Variants in SGCZ observed in about 807,000 individuals in gnomAD.
The protein encoded by SGCZ is zeta-sarcoglycan.
In SGCZ, 40 loss-of-function variants were observed where a neutral mutation model predicts 41.3. The ratio of observed to expected loss-of-function variants is 0.97; its 90% CI spans 0.75 to 1.26. SGCZ has a LOEUF of 1.26. Among genes scored for constraint, SGCZ ranks in the 50% most tolerant of loss-of-function variants. The pLI is 0.00. For synonymous variants in SGCZ, 206 were observed against 137.5 expected (o/e 1.50, Z -3.49); for missense variants, 552 against 369.8 (o/e 1.49, Z -4.04).
intron 1 of SGCZ, among the ~76,000 whole-genome samples, chr8:15,113,727 C>T (rs766538231): frequency 2.6e-5 from 4 of 152,158 alleles, no homozygotes; most frequent in Non-Finnish European, 1.5e-5. Context: ...AGGCTCCCAC[C>T]AGCTCGTTGA....
chr8:14,847,185 A>AGAAGAAGAAG (rs1303419499), intron 1 of SGCZ, among the ~76,000 whole-genome samples: 151 of 148,512 alleles, frequency 1.0e-3, no homozygotes, highest in African/African-American at 3.4e-3. Context: ...AAGAAGAAGA[A>AGAAGAAGAAG]GAGAAAAATA....
chr8:14,843,765 TTA>T (rs1219099943), intron 1 of SGCZ, among the ~76,000 whole-genome samples: 3 of 152,026 alleles, frequency 2.0e-5, no homozygotes, highest in African/African-American at 4.8e-5. Context: ...TCATAAATAT[TTA>T]TAGATAGCAC....
intron 1 of SGCZ, among the ~76,000 whole-genome samples, chr8:14,899,391 C>T (rs1465873482): frequency 2.0e-5 from 3 of 152,054 alleles, no homozygotes; most frequent in African/African-American, 7.2e-5. Flanking sequence ...ACTATTCTGA[C>T]CTTAAAGATT....
intron 5 of SGCZ, among the ~76,000 whole-genome samples, chr8:14,159,689 G>A (rs533471611): frequency 1.3e-5 from 2 of 152,224 alleles, no homozygotes; most frequent in African/African-American, 4.8e-5. Context: ...ATTTCTTCAT[G>A]GGTTGTTTGA....
chr8:14,584,721 C>T lies in SGCZ; in HGVS notation c.40-29795G>A, dbSNP rs115122576. On this transcript the variant is annotated intron_variant, in intron 1 of 7. Coordinates refer to ENST00000382080, the MANE Select transcript of SGCZ (RefSeq NM_139167.4). ...TAGTACCTAGAATATAGTAGAATTC[C>T]ATAATTACACATAAAGAAGGGAAAA... 3.4e-3 allele frequency among the ~76,000 whole-genome samples: 514 copies of T among 151,850 alleles called. 4 individuals are homozygous for T. Among genetic ancestry groups the T allele is most frequent in the African/African-American group, 9.7e-3 (404 of 41,438 alleles).
rs573047564 is a variant in SGCZ at position 15,166,171 on chromosome 8, A to G, written c.39+71414T>C. On this transcript the variant is annotated intron_variant, in intron 1 of 7. Coordinates refer to ENST00000382080, the MANE Select transcript of SGCZ (RefSeq NM_139167.4). ...GGGCCCGTGGAATTTCCAGAAAAGA[A>G]AGGTAAACAGGATTATTTGACATGT... Among the ~76,000 whole-genome samples the G allele has an allele frequency of 2.0e-4, 30 of 152,254 alleles. 1 individual carries two copies. Among genetic ancestry groups the G allele is most frequent in the South Asian group, 6.2e-4 (3 of 4,830 alleles).
chr8:14,503,850 T>C (rs1282275511), intron 2 of SGCZ, among the ~76,000 whole-genome samples: 2 of 152,212 alleles, frequency 1.3e-5, no homozygotes, highest in African/African-American at 2.4e-5. Flanking sequence ...ATTTCATTTA[T>C]AGACTTATTT....
chr8:15,139,384 T>C (rs1306539798), intron 1 of SGCZ, among the ~76,000 whole-genome samples: 1 of 152,214 alleles, frequency 6.6e-6, no homozygotes, highest in Non-Finnish European at 1.5e-5. Context: ...AGACTTTAAG[T>C]TGGGACTTAA....
chr8:14,847,570 T>C (rs960170937), intron 1 of SGCZ, among the ~76,000 whole-genome samples: 6 of 151,234 alleles, frequency 4.0e-5, no homozygotes, highest in South Asian at 2.1e-4. Flanking sequence ...TAATAAAATG[T>C]CTTTTTCTAT....
intron 2 of SGCZ, among the ~76,000 whole-genome samples, chr8:14,531,823 A>G (rs2117127116): frequency 6.6e-6 from 1 of 152,212 alleles, no homozygotes; most frequent in African/African-American, 2.4e-5. Context: ...TAATTTGAAT[A>G]ATGTAATTAA....
chr8:15,230,260 A>T (rs979612038), intron 1 of SGCZ, among the ~76,000 whole-genome samples: 1 of 152,070 alleles, frequency 6.6e-6, no homozygotes, highest in Non-Finnish European at 1.5e-5. Context: ...TAGCTCAAAT[A>T]CTGTCACTCT....
chr8:14,606,250 A>C (rs1285119866), intron 1 of SGCZ, among the ~76,000 whole-genome samples: 2 of 152,134 alleles, frequency 1.3e-5, no homozygotes, highest in African/African-American at 4.8e-5. Context: ...TTTGCCTTTA[A>C]CATACATGTA....
intron 3 of SGCZ, among the ~76,000 whole-genome samples, chr8:14,251,550 T>A (rs909518987): frequency 1.3e-5 from 2 of 152,202 alleles, no homozygotes; most frequent in Admixed American, 6.5e-5. Context: ...AGCCATAGTT[T>A]GCCTACTTCT....
intron 1 of SGCZ, among the ~76,000 whole-genome samples, chr8:15,209,943 G>A (rs965036723): frequency 5.3e-5 from 8 of 152,108 alleles, no homozygotes; most frequent in African/African-American, 1.9e-4. Context: ...TATTTTAGGA[G>A]ATGGCAGTTA....
intron 4 of SGCZ, among the ~76,000 whole-genome samples, chr8:14,199,651 C>T (rs771171360): frequency 1.3e-5 from 2 of 152,096 alleles, no homozygotes; most frequent in East Asian, 3.9e-4. Flanking sequence ...TAAAATTTCA[C>T]TCTTTTGTAC....
chr8:15,221,011 C>T (rs28702478), intron 1 of SGCZ, among the ~76,000 whole-genome samples: 7,436 of 151,874 alleles, frequency 0.049, 246 homozygotes, highest in African/African-American at 0.096. Flanking sequence ...AGGGGCCGGT[C>T]GTCGGGTAGG....
At chr8:14,156,551 A>AT (rs1287870525) in intron 5 of SGCZ, among the ~76,000 whole-genome samples, 1 of 152,204 alleles carries the variant, frequency 6.6e-6, no homozygotes, top group African/African-American at 2.4e-5. Flanking sequence ...ATATTATGTA[A>AT]TTTTTAAAAA....
intron 2 of SGCZ, among the ~76,000 whole-genome samples, chr8:14,441,376 G>A (rs1233178900): frequency 6.6e-6 from 1 of 151,966 alleles, no homozygotes; most frequent in Non-Finnish European, 1.5e-5. Context: ...AGAGATTGAG[G>A]CCATCCTGTC....
chr8:14,410,084 T>C (rs925710326), intron 2 of SGCZ, among the ~76,000 whole-genome samples: 2 of 152,046 alleles, frequency 1.3e-5, no homozygotes, highest in African/African-American at 4.8e-5. Flanking sequence ...AGACCAGGGG[T>C]GGCGTTAGAT....
Sources: gnomAD v4.1 joint callset for allele counts (sites outside exome capture counted in the v4.1 genomes callset) on GRCh38, gnomAD v4.1.1 for gene constraint, MANE v1.5 for transcripts, NCBI Gene and HGNC (gene_info 2026-07-23, HGNC 2026-07-21) for gene names.